The following SCARA3 variants were observed in gnomAD, a reference collection of about 807,000 sequenced individuals.
SCARA3 encodes cellular stress response gene protein.
A neutral mutation model predicts 47.0 loss-of-function variants in SCARA3; 39 were observed. The ratio of observed to expected loss-of-function variants is 0.83; its 90% CI spans 0.64 to 1.08. SCARA3 has a LOEUF of 1.08. SCARA3 is among the 50% of genes least tolerant of loss of function. The pLI is 0.00. For missense variants in SCARA3, 724 were observed against 792.3 expected (o/e 0.91, Z 1.04); for synonymous variants, 356 against 334.1 (o/e 1.07, Z -0.71).
At chr8:27,714,193 C>CTTTTTTTTTTTTTTTTT in the SCARA3 span, among the ~76,000 whole-genome samples, 12 of 114,110 alleles carry the variant, frequency 1.1e-4, no homozygotes, top group Non-Finnish European at 1.4e-4. Context: ...TCAGGTATTC[C>CTTTTTTTTTTTTTTTTT]TTTTTTTTTT....
the SCARA3 span, among the ~76,000 whole-genome samples, chr8:27,718,042 C>T: frequency 6.6e-6 from 1 of 152,190 alleles, no homozygotes; most frequent in Non-Finnish European, 1.5e-5. Flanking sequence ...CTGAGCAGTC[C>T]GCACACGCAT....
At chr8:27,682,155 AG>A in the SCARA3 span, among the ~76,000 whole-genome samples, 1 of 152,186 alleles carries the variant, frequency 6.6e-6, no homozygotes, top group African/African-American at 2.4e-5. Context: ...ATTTTTACAA[AG>A]GCACCAGAAG....
intron 1 of SCARA3, among the ~76,000 whole-genome samples, chr8:27,646,978 C>CCCCCCCCCCCCCCCCA (rs1801514724): frequency 2.7e-5 from 3 of 110,492 alleles, no homozygotes; most frequent in Admixed American, 8.7e-5. Flanking sequence ...CCCCGCCCCC[C>CCCCCCCCCCCCCCCCA]CCCCGCACAC....
chr8:27,688,288 T>A, the SCARA3 span, among the ~76,000 whole-genome samples: 9 of 152,230 alleles, frequency 5.9e-5, no homozygotes, highest in African/African-American at 9.6e-5. Flanking sequence ...GAATGATTTG[T>A]TGTATTCATG....
the SCARA3 span, among the ~76,000 whole-genome samples, chr8:27,689,147 T>C: frequency 6.6e-6 from 1 of 152,032 alleles, no homozygotes; most frequent in African/African-American, 2.4e-5. Flanking sequence ...GGAGTGTGTG[T>C]GTCCAGGCAG....
At chr8:27,661,074 C>T (rs2128921688) in intron 5 of SCARA3, among the ~76,000 whole-genome samples, 1 of 152,188 alleles carries the variant, frequency 6.6e-6, no homozygotes, top group East Asian at 1.9e-4. Flanking sequence ...GATGAGCCTG[C>T]TCACGCCAGG....
At chr8:27,697,740 C>A in the SCARA3 span, among the ~76,000 whole-genome samples, 1 of 152,302 alleles carries the variant, frequency 6.6e-6, no homozygotes, top group East Asian at 1.9e-4. Context: ...ATAAGTCTCA[C>A]AAGATCTGAT....
intron 2 of SCARA3, among the ~76,000 whole-genome samples, chr8:27,650,853 C>G (rs1801615759): frequency 6.6e-6 from 1 of 152,142 alleles, no homozygotes; most frequent in African/African-American, 2.4e-5. Context: ...TTGCCAGGGA[C>G]TGAGGGGATT....
downstream of SCARA3, among the ~76,000 whole-genome samples, chr8:27,679,375 A>G (rs148182080): frequency 3.3e-5 from 5 of 152,240 alleles, no homozygotes; most frequent in Non-Finnish European, 7.3e-5. Context: ...AATGAGCAGT[A>G]ACAGTAGCAC....
downstream of SCARA3, among the ~76,000 whole-genome samples, chr8:27,679,060 A>G (rs1313887857): frequency 6.6e-6 from 1 of 151,872 alleles, no homozygotes; most frequent in Non-Finnish European, 1.5e-5. Context: ...TCTTAATTAC[A>G]TTGTTTTTGA....
rs1368394059 is a variant in SCARA3, at chr8:27,646,526, G to A, written c.8-3176G>A. On this transcript the variant is annotated intron_variant, in intron 1 of 5. Coordinates refer to ENST00000301904, the MANE Select transcript of SCARA3 (RefSeq NM_016240.3). ...AGGGAGGAGGCCCAGTCACGGGGGAGGGCAGAGGAGCTCATCAAGGATGGA... is the reference window on the plus strand; with the variant it reads ...AGGGAGGAGGCCCAGTCACGGGGGAAGGCAGAGGAGCTCATCAAGGATGGA... Among the ~76,000 whole-genome samples the A allele has an allele frequency of 2.6e-5, 4 of 152,182 alleles. No individual in the cohort carries two copies. In the East Asian group the frequency reaches 5.8e-4, roughly 22 times the overall value.
chr8:27,723,528 G>A, the SCARA3 span, among the ~76,000 whole-genome samples: 4 of 151,992 alleles, frequency 2.6e-5, no homozygotes, highest in Non-Finnish European at 2.9e-5. Context: ...CATCTACCAC[G>A]TTCTGGAAGC....
intron 1 of SCARA3, among the ~76,000 whole-genome samples, chr8:27,648,690 A>G (rs1218456883): frequency 6.6e-6 from 1 of 152,146 alleles, no homozygotes; most frequent in Non-Finnish European, 1.5e-5. Flanking sequence ...TATAAAATGT[A>G]GACATTAAAT....
the SCARA3 span, among the ~76,000 whole-genome samples, chr8:27,711,873 G>A: frequency 1.3e-5 from 2 of 151,976 alleles, no homozygotes; most frequent in Non-Finnish European, 2.9e-5. Context: ...CCACCACAGT[G>A]GTGTGTTTGT....
chr8:27,672,216 T>C lies in SCARA3; in HGVS notation c.*865T>C. On this transcript the variant is annotated 3_prime_UTR_variant, in exon 6 of 6. Transcript: ENST00000301904. ...ACAGTGCCCCCTGAGAAGTTCAACA[T>C]TTATTTCTTCACGTGTCCAGAAAAT... is the stretch of plus-strand genomic sequence containing the variant. 1.0e-6 allele frequency: 1 copy of C among 985,496 alleles called. No homozygotes were observed. The highest frequency in any genetic ancestry group is 1.2e-6 in the Non-Finnish European group (1 of 829,958). The allele number at this position is 985,496 out of a possible 1,614,324, so 61.0% of individuals were successfully genotyped here. A position where few individuals can be genotyped will look rare whatever the true frequency, so the allele number is the denominator to read the frequency against.
chr8:27,651,763 G>T, intron 3 of SCARA3, 136 bp downstream of exon 3: 1 of 1,228,844 alleles, frequency 8.1e-7, no homozygotes, highest in Non-Finnish European at 1.1e-6. Flanking sequence ...CTGGCTAGGG[G>T]ATCTCTATGC....
chr8:27,688,744 C>T, the SCARA3 span, among the ~76,000 whole-genome samples: 15 of 152,192 alleles, frequency 9.9e-5, no homozygotes, highest in African/African-American at 3.6e-4. Flanking sequence ...GAAGGAATCC[C>T]TTAACCCAGC....
chr8:27,731,312 C>A, the SCARA3 span, among the ~76,000 whole-genome samples: 3 of 151,554 alleles, frequency 2.0e-5, no homozygotes, highest in African/African-American at 7.3e-5. Flanking sequence ...CTTGCCCAAG[C>A]TGGTCTTGAA....
the SCARA3 span, among the ~76,000 whole-genome samples, chr8:27,708,932 C>G: frequency 1.3e-5 from 2 of 152,102 alleles, no homozygotes; most frequent in Non-Finnish European, 2.9e-5. Context: ...AAGTCTCTAA[C>G]AGAGTAGCTT....
Sources: gnomAD v4.1 joint callset for allele counts (sites outside exome capture counted in the v4.1 genomes callset) on GRCh38, gnomAD v4.1.1 for gene constraint, MANE v1.5 for transcripts, NCBI Gene and HGNC (gene_info 2026-07-23, HGNC 2026-07-21) for gene names.